NTM: variants seen among roughly 807,000 people sequenced by gnomAD.
The protein encoded by NTM is IgLON family member 2.
Under a neutral mutation model 42.1 loss-of-function variants are expected in NTM, and 13 were observed. The observed-to-expected ratio is 0.31, with a 90% CI of 0.20 to 0.49. NTM has a LOEUF of 0.49. NTM is among the 20% of genes least tolerant of loss of function. The probability of loss-of-function intolerance (pLI) is 0.99; values close to 1 mark genes in which losing one functional copy is unlikely to be tolerated. For missense variants in NTM, 373 were observed against 452.8 expected (o/e 0.82, Z 1.60); for synonymous variants, 187 against 179.2 (o/e 1.04, Z -0.35).
intron 1 of NTM, among the ~76,000 whole-genome samples, chr11:131,728,642 T>A (rs757386753): frequency 1.3e-5 from 2 of 152,240 alleles, no homozygotes; most frequent in Non-Finnish European, 2.9e-5. Flanking sequence ...TATGTCCTGC[T>A]GCTCAAGGTC....
rs1465503804 is a variant in NTM at position 131,911,158 on chromosome 11, C to T, written c.83-406C>T. On this transcript the variant is annotated intron_variant, in intron 1 of 8. Transcript: ENST00000683400. ...AACTGCCGCTGGGAAGAAGCGGCTC[C>T]TGAGACGCGCCCACACCTTTCACCT... 13 of 1,302,646 alleles carry T rather than the reference C, an allele frequency of 1.0e-5. No homozygotes were observed. In the South Asian group the frequency reaches 2.0e-4, roughly 20 times the overall value. The allele number at this position is 1,302,646 out of a possible 1,614,324, so 80.7% of individuals were successfully genotyped here.
intron 3 of NTM, among the ~76,000 whole-genome samples, chr11:132,206,260 G>A (rs901972702): frequency 1.3e-5 from 2 of 152,152 alleles, no homozygotes; most frequent in African/African-American, 4.8e-5. Context: ...GCTTGTCACT[G>A]CCTGTAGGAT....
intron 1 of NTM, among the ~76,000 whole-genome samples, chr11:131,783,861 A>G (rs779172625): frequency 6.6e-6 from 1 of 152,190 alleles, no homozygotes; most frequent in Non-Finnish European, 1.5e-5. Context: ...ACAAAATGGA[A>G]GACAATATTA....
chr11:132,225,778 G>C (rs773620870), intron 4 of NTM, among the ~76,000 whole-genome samples: 1 of 152,156 alleles, frequency 6.6e-6, no homozygotes, highest in Non-Finnish European at 1.5e-5. Context: ...TTGTTACATA[G>C]GTATACATGT....
intron 1 of NTM, among the ~76,000 whole-genome samples, chr11:131,690,220 C>T (rs1433522005): frequency 6.6e-6 from 1 of 152,196 alleles, no homozygotes; most frequent in Non-Finnish European, 1.5e-5. Context: ...CTTCCCTGAA[C>T]ACCTTGGTGC....
intron 1 of NTM, among the ~76,000 whole-genome samples, chr11:131,418,867 C>G (rs1168749126): frequency 6.6e-6 from 1 of 152,200 alleles, no homozygotes; most frequent in Admixed American, 6.5e-5. Flanking sequence ...AGGGCCTGTA[C>G]TCCACACCAA....
chr11:131,666,573 G>A (rs551777600), intron 1 of NTM, among the ~76,000 whole-genome samples: 20 of 152,242 alleles, frequency 1.3e-4, no homozygotes, highest in Non-Finnish European at 2.2e-4. Flanking sequence ...AGACATACTC[G>A]ACAAACACAT....
intron 2 of NTM, among the ~76,000 whole-genome samples, chr11:131,928,845 T>C (rs1411891127): frequency 6.6e-6 from 1 of 152,254 alleles, no homozygotes; most frequent in East Asian, 1.9e-4. Flanking sequence ...TTCCACCTCC[T>C]TCTCCCTGAC....
intron 8 of NTM, among the ~76,000 whole-genome samples, chr11:132,331,204 C>T (rs1479421713): frequency 6.6e-6 from 1 of 152,222 alleles, no homozygotes; most frequent in African/African-American, 2.4e-5. Flanking sequence ...TTGGGAAAGT[C>T]ACTTAAGCTT....
chr11:131,429,518 G>C (rs966663810), intron 1 of NTM, among the ~76,000 whole-genome samples: 5 of 152,026 alleles, frequency 3.3e-5, no homozygotes, highest in Admixed American at 3.3e-4. Flanking sequence ...AATGATGCTT[G>C]TGAAAAAAAT....
At chr11:131,438,420 G>T (rs543628870) in intron 1 of NTM, among the ~76,000 whole-genome samples, 16 of 152,182 alleles carry the variant, frequency 1.1e-4, no homozygotes, top group African/African-American at 3.9e-4. Flanking sequence ...AGGTACACCA[G>T]TCAGACGTAG....
intron 2 of NTM, among the ~76,000 whole-genome samples, chr11:132,014,180 A>T (rs1365315379): frequency 6.6e-6 from 1 of 152,058 alleles, no homozygotes. Flanking sequence ...TTCACTGAAC[A>T]TAATGACCTC....
At chr11:131,926,414 A>G (rs1174391756) in intron 2 of NTM, among the ~76,000 whole-genome samples, 2 of 152,096 alleles carry the variant, frequency 1.3e-5, no homozygotes, top group Non-Finnish European at 2.9e-5. Context: ...AGGGAGGGGT[A>G]GGGGCTTGCA....
intron 1 of NTM, among the ~76,000 whole-genome samples, chr11:131,578,868 G>A (rs2058154923): frequency 6.6e-6 from 1 of 152,158 alleles, no homozygotes; most frequent in Admixed American, 6.5e-5. Flanking sequence ...TGTGAAGAAA[G>A]GCTGATAAGG....
chr11:131,680,663 G>A (rs12278539), intron 1 of NTM, among the ~76,000 whole-genome samples: 1 of 2,988 alleles, frequency 3.3e-4, no homozygotes, highest in Non-Finnish European at 1.5e-3. Context: ...GTGCCTCTGT[G>A]TCTGTGTGTG....
At chr11:132,290,595 G>A (rs1476476547) in intron 4 of NTM, among the ~76,000 whole-genome samples, 1 of 152,072 alleles carries the variant, frequency 6.6e-6, no homozygotes, top group African/African-American at 2.4e-5. Flanking sequence ...TTATTTTTGT[G>A]CATTTATTCA....
chr11:131,854,105 T>C lies in NTM; in HGVS notation c.83-57459T>C, dbSNP rs1786265256. Among the ~76,000 whole-genome samples the C allele has an allele frequency of 2.6e-5, 4 of 152,304 alleles. No individual in the cohort carries two copies. In the South Asian group the frequency reaches 8.3e-4, roughly 32 times the overall value. Reference sequence around the variant, plus strand: ...ACTTACTACCCTCACAAAGAAAGCATTGGTATATTTTTACATCTCATAACT... The same window carrying C: ...ACTTACTACCCTCACAAAGAAAGCACTGGTATATTTTTACATCTCATAACT... On this transcript the variant is annotated intron_variant, in intron 1 of 8. Transcript: ENST00000683400.
rs114948925 is a variant in NTM, at chr11:131,526,939, C to T, written c.82+156051C>T. Among the ~76,000 whole-genome samples, 690 of 152,304 alleles carry T rather than the reference C, an allele frequency of 4.5e-3. 5 individuals are homozygous for T. The highest frequency in any genetic ancestry group is 0.015 in the African/African-American group (634 of 41,564). Reference sequence around the variant, plus strand: ...GATTTTTGAAGTATCATGAGGGAGACCTCGAGGTATTCCCTTGTGCAAATT... The same window carrying T: ...GATTTTTGAAGTATCATGAGGGAGATCTCGAGGTATTCCCTTGTGCAAATT... On this transcript the variant is annotated intron_variant, in intron 1 of 8. Coordinates refer to ENST00000683400, the MANE Select transcript of NTM (RefSeq NM_001352005.2).
chr11:132,210,213 A>G (rs536025630), intron 3 of NTM, among the ~76,000 whole-genome samples: 1 of 152,326 alleles, frequency 6.6e-6, no homozygotes, highest in African/African-American at 2.4e-5. Flanking sequence ...TCTGAGGAAT[A>G]GTTATTCAAG....
Sources: allele counts gnomAD v4.1 joint callset (sites outside exome capture counted in the v4.1 genomes callset), GRCh38; gene constraint gnomAD v4.1.1; transcripts MANE v1.5; gene names NCBI Gene and HGNC (gene_info 2026-07-23, HGNC 2026-07-21).